FAM167A: variants seen among roughly 807,000 people sequenced by gnomAD.
FAM167A encodes family with sequence similarity 167 member A.
Under a neutral mutation model 14.9 loss-of-function variants are expected in FAM167A, and 23 were observed. That is an observed-to-expected ratio of 1.55 (90% CI 1.11 to 2.19). The LOEUF is 2.19. Among genes scored for constraint, FAM167A ranks in the 30% most tolerant of loss-of-function variants. FAM167A has a pLI of 0.00. For missense variants in FAM167A, 401 were observed against 281.5 expected (o/e 1.42, Z -3.04); for synonymous variants, 174 against 117.7 (o/e 1.48, Z -3.10).
At chr8:11,464,407 C>T (rs1424263680) in intron 1 of FAM167A, among the ~76,000 whole-genome samples, 2 of 152,174 alleles carry the variant, frequency 1.3e-5, no homozygotes. Context: ...CCTGCCGCCC[C>T]TCCTAAACTC....
chr8:11,459,130 A>G (rs1207824457), intron 1 of FAM167A, among the ~76,000 whole-genome samples: 1 of 152,252 alleles, frequency 6.6e-6, no homozygotes, highest in Non-Finnish European at 1.5e-5. Flanking sequence ...AATTGTTAGA[A>G]GGAGGAGGAA....
chr8:11,470,197 G>A (rs1351417249), upstream of FAM167A, among the ~76,000 whole-genome samples: 1 of 152,352 alleles, frequency 6.6e-6, no homozygotes, highest in Middle Eastern at 3.4e-3. Flanking sequence ...AGTAATGGCA[G>A]AGGAGGGGAA....
chr8:11,444,187 C>G lies in FAM167A; in HGVS notation c.225G>C (p.Glu75Asp), dbSNP rs1371481337. The change falls in exon 2 of 3, where the codon GAG becomes GAC. Residue 75 changes from glutamate (E) to aspartate (D), a missense_variant. Transcript: ENST00000284486. The stretch of plus-strand genomic sequence containing the variant: ...GGAGCAAGGGCTCCTGCCCCCCACG[C>G]TCCCCCTCCTCCAAGCTCGCCTGTG... Reference protein sequence around the residue: ...AEPQASLEEGERGGQEPLLPL... With the variant: ...AEPQASLEEGDRGGQEPLLPL... 11 of 1,612,894 alleles carry G rather than the reference C, an allele frequency of 6.8e-6. No individual in the cohort carries two copies. The highest frequency in any genetic ancestry group is 9.3e-6 in the Non-Finnish European group (11 of 1,179,884).
chr8:11,455,716 TG>T (rs1807229471), intron 1 of FAM167A, among the ~76,000 whole-genome samples: 1 of 23,460 alleles, frequency 4.3e-5, no homozygotes. Flanking sequence ...GCGGGGTGTA[TG>T]AGTGTGTGAG....
At chr8:11,442,018 A>C (rs1012424809) in intron 2 of FAM167A, among the ~76,000 whole-genome samples, 1 of 152,200 alleles carries the variant, frequency 6.6e-6, no homozygotes, top group African/African-American at 2.4e-5. Flanking sequence ...AAACAGTGCA[A>C]ATATAAAGCA....
intron 2 of FAM167A, chr8:11,443,740 G>T (rs1806583545): frequency 5.4e-6 from 2 of 371,950 alleles, no homozygotes; most frequent in Non-Finnish European, 9.9e-6. Flanking sequence ...TGGGAGCGGT[G>T]TTGGGGGGAG....
upstream of FAM167A, among the ~76,000 whole-genome samples, chr8:11,470,088 C>G (rs1807907907): frequency 6.6e-6 from 1 of 152,098 alleles, no homozygotes; most frequent in Non-Finnish European, 1.5e-5. Context: ...AACTGATAAT[C>G]TAGCAGAGGA....
At chr8:11,425,269 A>C (rs571236764) in intron 2 of FAM167A, among the ~76,000 whole-genome samples, 3 of 152,322 alleles carry the variant, frequency 2.0e-5, no homozygotes, top group Admixed American at 6.5e-5. Flanking sequence ...ACAACCTGTG[A>C]AGTGATGTCA....
intron 1 of FAM167A, among the ~76,000 whole-genome samples, chr8:11,456,775 G>A (rs1399750393): frequency 4.0e-5 from 6 of 149,924 alleles, no homozygotes; most frequent in African/African-American, 1.5e-4. Flanking sequence ...TGCTGGATTA[G>A]GGGAGTGCGG....
chr8:11,426,301 GTC>G (rs953276396), intron 2 of FAM167A, among the ~76,000 whole-genome samples: 1 of 152,140 alleles, frequency 6.6e-6, no homozygotes, highest in Non-Finnish European at 1.5e-5. Context: ...TGTAACTCCT[GTC>G]TCTCTGAAAT....
chr8:11,438,068 C>A, intron 2 of FAM167A: 1 of 446,150 alleles, frequency 2.2e-6, no homozygotes, highest in Non-Finnish European at 4.5e-6. Flanking sequence ...GGAGCCCTGA[C>A]CCATCCACCT....
chr8:11,428,311 G>A (rs2116997972), intron 2 of FAM167A, among the ~76,000 whole-genome samples: 1 of 152,346 alleles, frequency 6.6e-6, no homozygotes, highest in South Asian at 2.1e-4. Context: ...AAAGGTCAGA[G>A]AACAATTTAC....
chr8:11,450,320 C>T (rs1806973374), intron 1 of FAM167A, among the ~76,000 whole-genome samples: 1 of 152,350 alleles, frequency 6.6e-6, no homozygotes, highest in Non-Finnish European at 1.5e-5. Flanking sequence ...CTAATGCTTA[C>T]AGCACACCAC....
chr8:11,444,447 C>T lies in FAM167A; in HGVS notation c.-36G>A. ...GCCCTGGCAGCCGGACATGCGAGGGCACGGGGGGCGCAGGGGGAGGCTTGG... is the reference window on the plus strand; with the variant it reads ...GCCCTGGCAGCCGGACATGCGAGGGTACGGGGGGCGCAGGGGGAGGCTTGG... On this transcript the variant is annotated 5_prime_UTR_variant, in exon 2 of 3. Coordinates refer to ENST00000284486, the MANE Select transcript of FAM167A (RefSeq NM_053279.3). The T allele has an allele frequency of 6.6e-7, 1 of 1,512,424 alleles. No homozygotes were observed. Among genetic ancestry groups the T allele is most frequent in the Non-Finnish European group, 8.8e-7 (1 of 1,131,452 alleles). The allele number at this position is 1,512,424 out of a possible 1,614,324, so 93.7% of individuals were successfully genotyped here. A position where few individuals can be genotyped will look rare whatever the true frequency, so the allele number is the denominator to read the frequency against.
At chr8:11,471,616 T>C (rs1270156504), upstream of FAM167A, among the ~76,000 whole-genome samples, 1 of 152,126 alleles carries the variant, frequency 6.6e-6, no homozygotes, top group Non-Finnish European at 1.5e-5. Context: ...ATCAATAAGA[T>C]GGAAATGATT....
intron 2 of FAM167A, among the ~76,000 whole-genome samples, chr8:11,427,608 A>G (rs1429642616): frequency 6.6e-6 from 1 of 152,228 alleles, no homozygotes; most frequent in Non-Finnish European, 1.5e-5. Flanking sequence ...AGCACATTGC[A>G]GGGTAGAAAA....
At chr8:11,450,063 A>G (rs4841537) in intron 1 of FAM167A, among the ~76,000 whole-genome samples, 77,155 of 152,026 alleles carry the variant, frequency 0.51, 20,266 homozygotes, top group East Asian at 0.66. Context: ...TTTCTTCTCC[A>G]TAAGACACAA....
upstream of FAM167A, among the ~76,000 whole-genome samples, chr8:11,472,437 GTT>G (rs113039104): frequency 9.4e-3 from 1,152 of 122,460 alleles, 7 homozygotes; most frequent in African/African-American, 0.03. Flanking sequence ...TGTTTTTTGG[GTT>G]TTTTTTTTTT....
upstream of FAM167A, among the ~76,000 whole-genome samples, chr8:11,468,183 C>T (rs1807847426): frequency 6.6e-6 from 1 of 152,206 alleles, no homozygotes; most frequent in Admixed American, 6.5e-5. Context: ...GAATGGAAAT[C>T]CAGTCTCAGC....
Sources: allele counts gnomAD v4.1 joint callset (sites outside exome capture counted in the v4.1 genomes callset), GRCh38; gene constraint gnomAD v4.1.1; transcripts MANE v1.5; gene names NCBI Gene and HGNC (gene_info 2026-07-23, HGNC 2026-07-21).